EGFR: variants seen among roughly 807,000 people sequenced by gnomAD.
EGFR encodes epidermal growth factor receptor.
EGFR carries 58 observed loss-of-function variants against 143.0 expected under a neutral mutation model. The observed-to-expected ratio is 0.41, with a 90% CI of 0.33 to 0.50. The LOEUF (loss-of-function observed/expected upper bound fraction) is 0.50. Among genes scored for constraint, EGFR ranks in the 20% least tolerant of loss-of-function variants. The pLI is 0.39. For missense variants in EGFR, 1,307 were observed against 1,579.0 expected, an observed-to-expected ratio of 0.83 and a Z score of 2.92; for synonymous variants, 613 against 594.4, an observed-to-expected ratio of 1.03 and a Z score of -0.45.
At chr7:55,198,391 C>G (rs1457653598) in intron 22 of EGFR, among the ~76,000 whole-genome samples, 1 of 152,180 alleles carries the variant, frequency 6.6e-6, no homozygotes, top group Non-Finnish European at 1.5e-5. Context: ...AATACTTATG[C>G]TAGTAGAGTT....
At chr7:55,183,609 A>AACCCAG (rs1362066869) in intron 20 of EGFR, among the ~76,000 whole-genome samples, 1 of 152,182 alleles carries the variant, frequency 6.6e-6, no homozygotes, top group East Asian at 1.9e-4. Flanking sequence ...CCTGACCTGG[A>AACCCAG]ACCCAGACCT....
Position 55,201,351 on chromosome 7 carries a change from C to T in EGFR, c.3110C>T (p.Ser1037Phe), listed in dbSNP as rs765496858. ...ACGTCACGGACTCCCCTCCTGAGCTCTCTGGTATGAAATCTCTGTCTCTCT... is the reference window on the plus strand; with the variant it reads ...ACGTCACGGACTCCCCTCCTGAGCTTTCTGGTATGAAATCTCTGTCTCTCT... ...PSTSRTPLLS[S>F]LSATSNNSTV... The change falls in exon 25 of 28, where the codon TCT (serine) becomes TTT (phenylalanine). Residue 1037 changes from serine to phenylalanine, a missense_variant. By Grantham distance (155) the Ser-to-Phe change is radical. Transcript: ENST00000275493. The T allele has an allele frequency of 1.2e-6, 2 of 1,614,016 alleles. No homozygotes were observed. The highest frequency in any genetic ancestry group is 1.7e-6 in the Non-Finnish European group (2 of 1,180,040).
intron 27 of EGFR, among the ~76,000 whole-genome samples, chr7:55,204,311 CCA>C (rs377750037): frequency 0.044 from 6,196 of 141,336 alleles, 167 homozygotes; most frequent in South Asian, 0.08. Flanking sequence ...TGTACACACG[CCA>C]CACACACACA....
chr7:55,100,969 A>G (rs1248606604), intron 1 of EGFR, among the ~76,000 whole-genome samples: 1 of 152,206 alleles, frequency 6.6e-6, no homozygotes, highest in Non-Finnish European at 1.5e-5. Flanking sequence ...TCCCTGCCTC[A>G]CCTTTACCTG....
At position 55,206,456 on chromosome 7, in the gene EGFR, C is replaced by A. The variant is rs1788109338; in HGVS notation, c.*839C>A. ...ACACATCAAATAATAACTCGGATTCCAGCCCACATTGGATTCATCAGCATT... is the reference window on the plus strand; with the variant it reads ...ACACATCAAATAATAACTCGGATTCAAGCCCACATTGGATTCATCAGCATT... On this transcript the variant is annotated 3_prime_UTR_variant, in exon 28 of 28. Coordinates refer to ENST00000275493, the MANE Select transcript of EGFR (RefSeq NM_005228.5). The A allele has an allele frequency of 8.6e-6, 2 of 233,186 alleles. No individual in the cohort carries two copies. Among genetic ancestry groups the A allele is most frequent in the Non-Finnish European group, 1.7e-5 (2 of 118,106 alleles). 14.4% of individuals were successfully genotyped at this position (233,186 alleles called of 1,614,324 possible). A position where few individuals can be genotyped will look rare whatever the true frequency, so the allele number is the denominator to read the frequency against.
intron 1 of EGFR, among the ~76,000 whole-genome samples, chr7:55,070,982 G>A (rs1374322389): frequency 2.0e-5 from 3 of 152,172 alleles, no homozygotes; most frequent in South Asian, 4.1e-4. Context: ...ACATCCCACC[G>A]GCTGTTTCAG....
At chr7:55,024,492 C>G (rs1177934762) in intron 1 of EGFR, among the ~76,000 whole-genome samples, 1 of 152,182 alleles carries the variant, frequency 6.6e-6, no homozygotes, top group Non-Finnish European at 1.5e-5. Context: ...ACAAAAGACT[C>G]AAGTTATAAT....
intron 1 of EGFR, among the ~76,000 whole-genome samples, chr7:55,138,483 CT>C (rs1397535221): frequency 6.6e-6 from 1 of 151,960 alleles, no homozygotes; most frequent in Non-Finnish European, 1.5e-5. Flanking sequence ...TTTCTTTCTT[CT>C]TTCTTTTCTG....
At chr7:55,107,268 T>C in intron 1 of EGFR, among the ~76,000 whole-genome samples, 1 of 152,254 alleles carries the variant, frequency 6.6e-6, no homozygotes, top group Non-Finnish European at 1.5e-5. Context: ...TGTGTACTTT[T>C]TTCCTATTTC....
intron 15 of EGFR, among the ~76,000 whole-genome samples, chr7:55,167,878 T>G (rs978830172): frequency 3.3e-5 from 5 of 152,130 alleles, no homozygotes; most frequent in African/African-American, 1.2e-4. Flanking sequence ...ATATCAGACA[T>G]AATGACAGTG....
At chr7:55,023,134 C>T (rs972867592) in intron 1 of EGFR, among the ~76,000 whole-genome samples, 2 of 152,156 alleles carry the variant, frequency 1.3e-5, no homozygotes, top group Non-Finnish European at 2.9e-5. Context: ...GACATTTCGC[C>T]TGTTGCAGAA....
chr7:55,176,489 G>A (rs1216552696), intron 19 of EGFR, among the ~76,000 whole-genome samples: 3 of 152,156 alleles, frequency 2.0e-5, no homozygotes, highest in Non-Finnish European at 4.4e-5. Context: ...GGAGGCTGAG[G>A]CAGGAGGATC....
intron 6 of EGFR, among the ~76,000 whole-genome samples, chr7:55,153,240 C>T (rs750070923): frequency 5.3e-5 from 8 of 152,216 alleles, no homozygotes; most frequent in Admixed American, 1.3e-4. Flanking sequence ...TACTCACTGT[C>T]GCCCCATTGC....
rs2128935112 is a variant in EGFR, at chr7:55,154,121, C to T, written c.858C>T (p.Ser286=). 1.2e-6 allele frequency: 2 copies of T among 1,614,250 alleles called. No homozygotes were observed. Among genetic ancestry groups the T allele is most frequent in the Non-Finnish European group, 1.7e-6 (2 of 1,180,048 alleles). The change falls in exon 7 of 28, where the codon AGC becomes AGT. Residue 286 remains serine, a synonymous_variant. Coordinates refer to ENST00000275493, the MANE Select transcript of EGFR (RefSeq NM_005228.5). ...ATGTGAACCCCGAGGGCAAATACAGCTTTGGTGCCACCTGCGTGAAGAAGT... is the reference window on the plus strand; with the variant it reads ...ATGTGAACCCCGAGGGCAAATACAGTTTTGGTGCCACCTGCGTGAAGAAGT... ...QMDVNPEGKY[S]FGATCVKKCP...
At chr7:55,079,513 T>C (rs1051943267) in intron 1 of EGFR, among the ~76,000 whole-genome samples, 9 of 152,224 alleles carry the variant, frequency 5.9e-5, no homozygotes, top group Non-Finnish European at 1.2e-4. Flanking sequence ...GGAGTGATGG[T>C]TGAGACAGGC....
chr7:55,087,420 G>A (rs1470150092), intron 1 of EGFR, among the ~76,000 whole-genome samples: 1 of 152,130 alleles, frequency 6.6e-6, no homozygotes, highest in Non-Finnish European at 1.5e-5. Flanking sequence ...AGGGCCTACT[G>A]AGTTAGAATA....
In EGFR at chr7:55,161,680, C is replaced by T. The variant is rs527437216; in HGVS notation, c.1631+49C>T. The T allele has an allele frequency of 6.2e-6, 10 of 1,613,796 alleles. No individual in the cohort carries two copies. In the African/African-American group the frequency reaches 1.3e-4, roughly 22 times the overall value. On this transcript the variant is annotated intron_variant, in intron 13 of 27. Transcript: ENST00000275493. ...CCTTGCGTTGATCAAAAATAAGGCTCCAGGTTGTTGTTATAGCTTTACAGG... is the reference window on the plus strand; with the variant it reads ...CCTTGCGTTGATCAAAAATAAGGCTTCAGGTTGTTGTTATAGCTTTACAGG...
intron 1 of EGFR, among the ~76,000 whole-genome samples, chr7:55,132,929 A>G (rs1055898288): frequency 6.6e-6 from 1 of 152,220 alleles, no homozygotes; most frequent in Non-Finnish European, 1.5e-5. Flanking sequence ...CCAAAGGGTC[A>G]TCATGCAACC....
rs369399038 is a variant in EGFR at position 55,173,101 on chromosome 7, C to T, written c.2038C>T (p.Arg680Trp). 3 of 1,611,670 alleles carry T rather than the reference C, an allele frequency of 1.9e-6. No individual in the cohort carries two copies. Among genetic ancestry groups the T allele is most frequent in the African/African-American group, 2.7e-5 (2 of 74,918 alleles). The change falls in exon 17 of 28, where the codon CGG becomes TGG. Residue 680 changes from arginine to tryptophan, a missense_variant. By Grantham distance (101) the Arg-to-Trp change is moderately radical. Coordinates refer to ENST00000275493, the MANE Select transcript of EGFR (RefSeq NM_005228.5). ...CCACATCGTTCGGAAGCGCACGCTG[C>T]GGAGGCTGCTGCAGGAGAGGGAGGT... is the stretch of plus-strand genomic sequence containing the variant. ...RRHIVRKRTL[R>W]RLLQERELVE...
Sources: gnomAD v4.1 joint callset for allele counts (sites outside exome capture counted in the v4.1 genomes callset) on GRCh38, gnomAD v4.1.1 for gene constraint, MANE v1.5 for transcripts, NCBI Gene and HGNC (gene_info 2026-07-23, HGNC 2026-07-21) for gene names.